The following CORIN variants were observed in gnomAD, a reference collection of about 807,000 sequenced individuals.
CORIN encodes the protein corin, serine peptidase, also known as atrial natriuretic peptide-converting enzyme.
A neutral mutation model predicts 125.3 loss-of-function variants in CORIN; 117 were observed. The observed-to-expected ratio is 0.93, with a 90% CI of 0.80 to 1.09. CORIN has a LOEUF of 1.09. Among genes scored for constraint, CORIN ranks in the 50% least tolerant of loss-of-function variants. CORIN has a pLI of 0.00. For missense variants in CORIN, 1,253 were observed against 1,306.7 expected (o/e 0.96, Z 0.63); for synonymous variants, 450 against 466.4 (o/e 0.96, Z 0.45).
At chr4:47,649,986 C>A (rs1377502209) in intron 13 of CORIN, among the ~76,000 whole-genome samples, 1 of 152,150 alleles carries the variant, frequency 6.6e-6, no homozygotes, top group African/African-American at 2.4e-5. Flanking sequence ...CCAGTTAAGC[C>A]CTTCTGTGAG....
chr4:47,722,413 T>A (rs528990122), intron 5 of CORIN, among the ~76,000 whole-genome samples: 3 of 152,228 alleles, frequency 2.0e-5, no homozygotes, highest in African/African-American at 7.2e-5. Context: ...TTCCTTTTTT[T>A]CATCTGACAA....
intron 16 of CORIN, among the ~76,000 whole-genome samples, chr4:47,638,741 T>C (rs906984945): frequency 1.3e-5 from 2 of 152,148 alleles, no homozygotes; most frequent in Non-Finnish European, 2.9e-5. Flanking sequence ...ATTAGCAGCA[T>C]AAAAATGGAC....
intron 6 of CORIN, among the ~76,000 whole-genome samples, chr4:47,688,647 C>A (rs970341638): frequency 6.6e-6 from 1 of 152,026 alleles, no homozygotes; most frequent in Non-Finnish European, 1.5e-5. Flanking sequence ...TATGTGTATA[C>A]GTTAGTTCCC....
rs533197792 is a variant in CORIN, at chr4:47,603,753, T to C, written c.2541-85A>G. On this transcript the variant is annotated intron_variant, in intron 19 of 21. Transcript: ENST00000273857. Reference sequence around the variant, plus strand: ...ACATGTAATTTTAAAACATTTTATTTATGTAAATAATGGCCATTTTCATGC... The same window carrying C: ...ACATGTAATTTTAAAACATTTTATTCATGTAAATAATGGCCATTTTCATGC... 2.1e-6 allele frequency: 3 copies of C among 1,462,066 alleles called. No individual in the cohort carries two copies. The South Asian group carries it at 4.1e-5, about 20-fold the overall frequency. 90.6% of individuals were successfully genotyped at this position (1,462,066 alleles called of 1,614,324 possible). A position where few individuals can be genotyped will look rare whatever the true frequency, so the allele number is the denominator to read the frequency against.
In CORIN at chr4:47,694,686, C is replaced by G. The variant is rs561240081; in HGVS notation, c.800-1603G>C. ...AGCCCATGTCTGTTATAGTTCCCAT[C>G]ATGTTCCTAGGACCCAGCGGAGTGC... On this transcript the variant is annotated intron_variant, in intron 5 of 21. Coordinates refer to ENST00000273857, the MANE Select transcript of CORIN (RefSeq NM_006587.4). Among the ~76,000 whole-genome samples, 14 of 152,324 alleles carry G rather than the reference C, an allele frequency of 9.2e-5. No homozygotes were observed. The East Asian group carries it at 2.7e-3, about 29-fold the overall frequency.
At chr4:47,803,411 A>G (rs796808265) in intron 2 of CORIN, among the ~76,000 whole-genome samples, 14 of 152,342 alleles carry the variant, frequency 9.2e-5, no homozygotes, top group African/African-American at 3.1e-4. Context: ...TATCCTATGC[A>G]AAAAGAATGA....
chr4:47,598,007 A>C (rs1012869820), intron 21 of CORIN, among the ~76,000 whole-genome samples: 2 of 152,170 alleles, frequency 1.3e-5, no homozygotes, highest in African/African-American at 2.4e-5. Context: ...GTTTTGAGTT[A>C]GGCTTAGTGA....
intron 1 of CORIN, among the ~76,000 whole-genome samples, chr4:47,809,202 A>T (rs898820419): frequency 3.9e-5 from 6 of 152,172 alleles, no homozygotes; most frequent in Admixed American, 3.9e-4. Context: ...TTATAGGAAT[A>T]ACCTTGGCTC....
chr4:47,620,129 T>C (rs750378192), intron 19 of CORIN, among the ~76,000 whole-genome samples: 1 of 152,170 alleles, frequency 6.6e-6, no homozygotes, highest in Non-Finnish European at 1.5e-5. Flanking sequence ...TAAAAGTGTG[T>C]CTCCTCACTA....
intron 1 of CORIN, among the ~76,000 whole-genome samples, chr4:47,828,471 G>C (rs950085389): frequency 1.3e-4 from 20 of 152,130 alleles, no homozygotes; most frequent in Non-Finnish European, 1.8e-4. Context: ...CTAAGTGTCA[G>C]GGCTTAGAGT....
intron 3 of CORIN, among the ~76,000 whole-genome samples, chr4:47,777,418 G>A (rs185614503): frequency 1.9e-3 from 289 of 152,246 alleles, no homozygotes; most frequent in African/African-American, 6.0e-3. Flanking sequence ...AGATCAAGAC[G>A]TCAGGAGTTC....
At chr4:47,722,825 A>C (rs2109800427) in intron 5 of CORIN, among the ~76,000 whole-genome samples, 1 of 152,366 alleles carries the variant, frequency 6.6e-6, no homozygotes, top group South Asian at 2.1e-4. Context: ...GACAGAATAC[A>C]CAAAGCAATT....
At chr4:47,618,862 C>T (rs1011763439) in intron 19 of CORIN, among the ~76,000 whole-genome samples, 2 of 151,676 alleles carry the variant, frequency 1.3e-5, no homozygotes, top group African/African-American at 4.8e-5. Flanking sequence ...AAGAAGGAGA[C>T]TCTTTGGACT....
At chr4:47,621,234 T>C (rs116010332) in intron 19 of CORIN, among the ~76,000 whole-genome samples, 26 of 152,224 alleles carry the variant, frequency 1.7e-4, no homozygotes, top group African/African-American at 6.0e-4. Context: ...TGCTTTTGGA[T>C]GCTGAGTCAA....
chr4:47,752,786 T>G (rs1728960362), intron 4 of CORIN, among the ~76,000 whole-genome samples: 1 of 139,542 alleles, frequency 7.2e-6, no homozygotes, highest in South Asian at 2.1e-4. Context: ...GTCCATACTC[T>G]TTTAACCAAC....
chr4:47,774,292 G>A (rs1366908632), intron 3 of CORIN, among the ~76,000 whole-genome samples: 2 of 152,144 alleles, frequency 1.3e-5, no homozygotes, highest in African/African-American at 2.4e-5. Context: ...GGTGGGAGCC[G>A]GGAACAGGTG....
In CORIN at chr4:47,693,056, A is replaced by G. The variant is rs1725840114; in HGVS notation, c.827T>C (p.Leu276Pro). Residue 276 changes from leucine (L) to proline (P), a missense_variant, in exon 6 of 22, where the codon CTG (leucine) becomes CCG (proline). Coordinates refer to ENST00000273857, the MANE Select transcript of CORIN (RefSeq NM_006587.4). ...GGGGATGCAGATTCCACTGGCACAC[A>G]GAAAGTTCTCACCCCTTCCACAGAG... is the stretch of plus-strand genomic sequence containing the variant. ...QLLCGRGENF[L>P]CASGICIPGK... 6.2e-7 allele frequency: 1 copy of G among 1,613,614 alleles called. No individual in the cohort carries two copies. The highest frequency in any genetic ancestry group is 1.3e-5 in the African/African-American group (1 of 74,906).
chr4:47,655,605 T>C (rs1278296033), intron 12 of CORIN, among the ~76,000 whole-genome samples: 6 of 152,144 alleles, frequency 3.9e-5, no homozygotes, highest in Admixed American at 6.5e-5. Flanking sequence ...ATTACCTCTC[T>C]GTGGAAAGAG....
intron 5 of CORIN, among the ~76,000 whole-genome samples, chr4:47,703,129 CA>C (rs1273562421): frequency 6.6e-6 from 1 of 152,112 alleles, no homozygotes; most frequent in Non-Finnish European, 1.5e-5. Flanking sequence ...ATTGGATAAC[CA>C]GCGGTTGGAT....
Sources: allele counts gnomAD v4.1 joint callset (sites outside exome capture counted in the v4.1 genomes callset), GRCh38; gene constraint gnomAD v4.1.1; transcripts MANE v1.5; gene names NCBI Gene and HGNC (gene_info 2026-07-23, HGNC 2026-07-21).